Variants in RIT2 observed in about 807,000 individuals in gnomAD.
RIT2 encodes GTP-binding protein Rit2.
Under a neutral mutation model 23.7 loss-of-function variants are expected in RIT2, and 24 were observed. That is an observed-to-expected ratio of 1.01 (90% confidence interval 0.73 to 1.43). RIT2 has a LOEUF of 1.43. Ranked by LOEUF, RIT2 falls within the 40% of genes most tolerant of loss-of-function variation. The pLI is 0.00. For missense variants in RIT2, 236 were observed against 266.9 expected (o/e 0.88, Z 0.81); for synonymous variants, 107 against 91.1 (o/e 1.17, Z -0.99).
At position 42,770,320 on chromosome 18, in the gene RIT2, CCTAT is replaced by C. The variant is rs1913521957; in HGVS notation, c.427-26604_427-26601del. On this transcript the variant is annotated intron_variant, in intron 4 of 4. Coordinates refer to ENST00000326695, the MANE Select transcript of RIT2 (RefSeq NM_002930.4). Reference sequence around the variant, plus strand: ...TCACAACGACCTAGAGGCATAGCTTCCTATCTGAGTAGAACATAACAATCCTCAT... The same window carrying C: ...TCACAACGACCTAGAGGCATAGCTTCCTGAGTAGAACATAACAATCCTCAT... 2.0e-5 allele frequency among the ~76,000 whole-genome samples: 3 copies of C among 152,300 alleles called. No homozygotes were observed. The South Asian group carries it at 6.2e-4, about 32-fold the overall frequency.
intron 3 of RIT2, among the ~76,000 whole-genome samples, chr18:42,961,470 A>C (rs1420868336): frequency 6.6e-6 from 1 of 152,238 alleles, no homozygotes; most frequent in Non-Finnish European, 1.5e-5. Flanking sequence ...AGCTAGAGCT[A>C]TTCAGCAAAG....
chr18:42,771,273 G>A (rs1353389846), intron 4 of RIT2, among the ~76,000 whole-genome samples: 5 of 152,132 alleles, frequency 3.3e-5, no homozygotes, highest in South Asian at 2.1e-4. Context: ...GTTTCACTGC[G>A]ATGTCATTTT....
chr18:42,835,843 A>G (rs1472170629), intron 4 of RIT2, among the ~76,000 whole-genome samples: 3 of 152,158 alleles, frequency 2.0e-5, no homozygotes, highest in Admixed American at 1.3e-4. Flanking sequence ...TTTGCTCAAT[A>G]TGGTGTCATT....
At chr18:43,100,583 G>C (rs1410628285) in intron 1 of RIT2, among the ~76,000 whole-genome samples, 1 of 152,072 alleles carries the variant, frequency 6.6e-6, no homozygotes, top group East Asian at 1.9e-4. Context: ...TATAGATACA[G>C]GAAAAAGAGG....
chr18:42,936,511 T>C (rs1270596497), intron 3 of RIT2, among the ~76,000 whole-genome samples: 3 of 152,170 alleles, frequency 2.0e-5, no homozygotes, highest in African/African-American at 7.2e-5. Context: ...CTGAGTAATG[T>C]TGGACTGCTG....
At chr18:43,086,264 G>A (rs1053742991) in intron 1 of RIT2, among the ~76,000 whole-genome samples, 13 of 152,030 alleles carry the variant, frequency 8.6e-5, no homozygotes, top group Non-Finnish European at 1.5e-4. Flanking sequence ...TTGGATTAGG[G>A]GTATTCAAGT....
At chr18:43,108,154 G>T (rs1205626130) in intron 1 of RIT2, among the ~76,000 whole-genome samples, 1 of 145,288 alleles carries the variant, frequency 6.9e-6, no homozygotes, top group Non-Finnish European at 1.5e-5. Flanking sequence ...CAGCCTGAGT[G>T]ATAGAACGAG....
At chr18:42,767,128 G>A (rs563607538) in intron 4 of RIT2, among the ~76,000 whole-genome samples, 4 of 152,316 alleles carry the variant, frequency 2.6e-5, no homozygotes, top group South Asian at 4.1e-4. Flanking sequence ...TAGTGGAGCT[G>A]TAAGAAGACG....
At chr18:42,896,995 T>C (rs1908348153) in intron 4 of RIT2, among the ~76,000 whole-genome samples, 1 of 152,196 alleles carries the variant, frequency 6.6e-6, no homozygotes. Flanking sequence ...CGCAGTCCTC[T>C]TCAATGTACT....
intron 2 of RIT2, among the ~76,000 whole-genome samples, chr18:42,982,694 A>G (rs559583202): frequency 1.7e-3 from 264 of 152,288 alleles, no homozygotes; most frequent in African/African-American, 5.8e-3. Context: ...TTCAACTTTC[A>G]GGACTATGGC....
chr18:42,887,057 T>A (rs1908041453), intron 4 of RIT2, among the ~76,000 whole-genome samples: 1 of 152,144 alleles, frequency 6.6e-6, no homozygotes, highest in African/African-American at 2.4e-5. Flanking sequence ...AAATAAAATA[T>A]TTGTTTAAGA....
intron 3 of RIT2, among the ~76,000 whole-genome samples, chr18:42,951,600 T>A (rs112293960): frequency 0.13 from 15,538 of 121,494 alleles, 1,284 homozygotes; most frequent in African/African-American, 0.35. Context: ...AAGAAAAAAA[T>A]ATATATATAT....
chr18:42,975,757 A>G (rs1910464551), intron 2 of RIT2, among the ~76,000 whole-genome samples: 1 of 151,896 alleles, frequency 6.6e-6, no homozygotes, highest in East Asian at 1.9e-4. Context: ...TAGATTCCCA[A>G]ACTCCCACCA....
intron 1 of RIT2, among the ~76,000 whole-genome samples, chr18:43,060,853 G>A (rs1209878053): frequency 6.6e-6 from 1 of 152,060 alleles, no homozygotes; most frequent in Admixed American, 6.6e-5. Flanking sequence ...AGGTATTTTA[G>A]ATCATTCCGA....
chr18:42,883,190 C>G (rs1314003588), intron 4 of RIT2, among the ~76,000 whole-genome samples: 2 of 151,798 alleles, frequency 1.3e-5, no homozygotes, highest in Admixed American at 1.3e-4. Context: ...CCCAGGCAGA[C>G]CTGGTGTGCT....
intron 4 of RIT2, among the ~76,000 whole-genome samples, chr18:42,885,594 A>T (rs983582510): frequency 1.5e-4 from 23 of 152,236 alleles, no homozygotes; most frequent in African/African-American, 4.1e-4. Context: ...TCAAAAAAAA[A>T]TAATAATAAT....
chr18:43,064,572 G>A (rs999905435), intron 1 of RIT2, among the ~76,000 whole-genome samples: 4 of 152,048 alleles, frequency 2.6e-5, no homozygotes, highest in Admixed American at 1.3e-4. Flanking sequence ...TTGAAAGAAC[G>A]CTAGAGCAAT....
chr18:43,080,423 A>G (rs1913129534), intron 1 of RIT2, among the ~76,000 whole-genome samples: 1 of 152,154 alleles, frequency 6.6e-6, no homozygotes, highest in Admixed American at 6.5e-5. Context: ...AAATTTAACC[A>G]TTGGGTAGGG....
At chr18:43,052,829 A>C (rs1912414988) in intron 1 of RIT2, among the ~76,000 whole-genome samples, 1 of 152,110 alleles carries the variant, frequency 6.6e-6, no homozygotes, top group Admixed American at 6.6e-5. Flanking sequence ...GACTTCGAGT[A>C]GCCTATCAAA....
Sources: gnomAD v4.1 joint callset for allele counts (sites outside exome capture counted in the v4.1 genomes callset) on GRCh38, gnomAD v4.1.1 for gene constraint, MANE v1.5 for transcripts, NCBI Gene and HGNC (gene_info 2026-07-23, HGNC 2026-07-21) for gene names.